Variants in MAP3K13 observed in about 807,000 individuals in gnomAD.
MAP3K13 encodes the protein leucine zipper-bearing kinase.
Under a neutral mutation model 104.0 loss-of-function variants are expected in MAP3K13, and 52 were observed. The observed-to-expected ratio is 0.50, with a 90% CI of 0.40 to 0.63. MAP3K13 has a LOEUF of 0.63. Ranked by LOEUF, MAP3K13 falls within the 20% of genes least tolerant of loss-of-function variation. The probability of loss-of-function intolerance (pLI) is 0.00; values close to 1 mark genes in which losing one functional copy is unlikely to be tolerated. For missense variants in MAP3K13, 914 were observed against 1,218.5 expected (o/e 0.75, Z 3.72); for synonymous variants, 394 against 442.2 (o/e 0.89, Z 1.37).
At chr3:185,437,317 T>C (rs1449757824) in intron 2 of MAP3K13, 130 bp from the exon 3 acceptor site, 2 of 686,340 alleles carry the variant, frequency 2.9e-6, no homozygotes, top group African/African-American at 3.6e-5. Flanking sequence ...ATAGGAAGGT[T>C]CTATCTTTTG....
At chr3:185,379,689 G>A (rs1724610835) in intron 1 of MAP3K13, among the ~76,000 whole-genome samples, 1 of 152,216 alleles carries the variant, frequency 6.6e-6, no homozygotes, top group African/African-American at 2.4e-5. Flanking sequence ...GGCGGGCTGA[G>A]TCTGAAAAAG....
intron 2 of MAP3K13, among the ~76,000 whole-genome samples, chr3:185,430,451 C>A (rs564697323): frequency 2.0e-5 from 3 of 152,200 alleles, no homozygotes; most frequent in East Asian, 1.9e-4. Context: ...TTTCTCCCCC[C>A]ACCCTCCACC....
rs575874867 is a variant in MAP3K13 at position 185,402,200 on chromosome 3, T to C, written c.-85-26297T>C. ...GACGCCACTGTATTTGCTGGGAAGC[T>C]ATTGTTGAGGCTACTTTATCCTCAT... On this transcript the variant is annotated intron_variant, in intron 1 of 13. Coordinates refer to ENST00000265026, the MANE Select transcript of MAP3K13 (RefSeq NM_004721.5). Among the ~76,000 whole-genome samples the C allele has an allele frequency of 4.6e-5, 7 of 152,342 alleles. No homozygotes were observed. The South Asian group carries it at 1.5e-3, about 32-fold the overall frequency.
chr3:185,294,106 T>C (rs1720837397), intron 2 of MAP3K13, among the ~76,000 whole-genome samples: 1 of 152,288 alleles, frequency 6.6e-6, no homozygotes, highest in East Asian at 1.9e-4. Flanking sequence ...ATCGAGAATG[T>C]AGTTAGCATG....
chr3:185,325,681 G>A (rs1365672332), intron 2 of MAP3K13, among the ~76,000 whole-genome samples: 1 of 152,186 alleles, frequency 6.6e-6, no homozygotes, highest in Non-Finnish European at 1.5e-5. Flanking sequence ...GCTTTGGGCA[G>A]GACCAGCTTC....
At chr3:185,417,406 T>G (rs1444397048) in intron 1 of MAP3K13, 1 of 1,286,938 alleles carries the variant, frequency 7.8e-7, no homozygotes, top group Non-Finnish European at 1.1e-6. Context: ...TCTTTTCTTT[T>G]TTTCCTCACT....
chr3:185,331,195 G>A (rs1022775965), intron 2 of MAP3K13, among the ~76,000 whole-genome samples: 1 of 142,182 alleles, frequency 7.0e-6, no homozygotes, highest in Non-Finnish European at 1.5e-5. Context: ...CCGGGTTCAA[G>A]CGATTCTCCT....
chr3:185,331,243 G>A (rs765223706), intron 2 of MAP3K13, among the ~76,000 whole-genome samples: 26 of 151,606 alleles, frequency 1.7e-4, no homozygotes, highest in East Asian at 7.7e-4. Context: ...ACAGACATGC[G>A]CCACCATGCC....
chr3:185,308,371 C>G (rs1721378590), intron 2 of MAP3K13, among the ~76,000 whole-genome samples: 1 of 152,128 alleles, frequency 6.6e-6, no homozygotes, highest in Admixed American at 6.5e-5. Context: ...CTCTTTTGTT[C>G]TCAGCAGTTC....
chr3:185,285,921 C>T (rs940577972), intron 2 of MAP3K13, among the ~76,000 whole-genome samples: 1 of 152,100 alleles, frequency 6.6e-6, no homozygotes, highest in Non-Finnish European at 1.5e-5. Flanking sequence ...CCTTTCAACA[C>T]TTTACATCCG....
intron 2 of MAP3K13, among the ~76,000 whole-genome samples, chr3:185,341,455 C>G (rs1303194167): frequency 6.6e-6 from 1 of 152,102 alleles, no homozygotes; most frequent in Non-Finnish European, 1.5e-5. Flanking sequence ...GTTCTAGCCT[C>G]TAGAACTGTA....
chr3:185,373,528 G>T (rs1167792755), intron 1 of MAP3K13, among the ~76,000 whole-genome samples: 2 of 152,082 alleles, frequency 1.3e-5, no homozygotes, highest in Non-Finnish European at 2.9e-5. Flanking sequence ...TGTAATCCCA[G>T]CTACTCAAGA....
At position 185,418,222 on chromosome 3, in the gene MAP3K13, G is replaced by A; in HGVS notation, c.-85-10275G>A. On this transcript the variant is annotated intron_variant, in intron 1 of 13. Transcript: ENST00000265026. The surrounding 1 kb of genome is among the most constrained non-coding windows in gnomAD (Gnocchi z 4.5). ...GCCTTTGCCAGCTCTCATTCGCTGAGAGGCATAGACCTTTTCGATATCATT... is the reference window on the plus strand; with the variant it reads ...GCCTTTGCCAGCTCTCATTCGCTGAAAGGCATAGACCTTTTCGATATCATT... The A allele has an allele frequency of 6.2e-7, 1 of 1,610,614 alleles. No homozygotes were observed. Among genetic ancestry groups the A allele is most frequent in the Non-Finnish European group, 8.5e-7 (1 of 1,178,158 alleles).
At chr3:185,348,785 C>T (rs112740472) in intron 2 of MAP3K13, among the ~76,000 whole-genome samples, 2 of 152,164 alleles carry the variant, frequency 1.3e-5, no homozygotes, top group Non-Finnish European at 1.5e-5. Context: ...GGCGTGGTGG[C>T]GGGCGCCTGT....
chr3:185,330,046 ATTT>A (rs548813356), intron 2 of MAP3K13, among the ~76,000 whole-genome samples: 21 of 98,256 alleles, frequency 2.1e-4, no homozygotes, highest in East Asian at 9.3e-4. Context: ...TGCCTGGCTA[ATTT>A]TTTTTTTTTT....
chr3:185,318,249 A>C (rs1247336963), intron 2 of MAP3K13, among the ~76,000 whole-genome samples: 2 of 152,216 alleles, frequency 1.3e-5, no homozygotes, highest in African/African-American at 2.4e-5. Context: ...TACAGGCAGG[A>C]AGGAATTCTT....
chr3:185,363,249 A>C lies in MAP3K13; in HGVS notation c.-205A>C, dbSNP rs1436043517. On this transcript the variant is annotated 5_prime_UTR_variant, in exon 1 of 14. Transcript: ENST00000265026. ...GGGCTCCTTTGCGGTGGGCTGGAGG[A>C]TTGTGTGGGTGGAATCCCCCTCCCC... The C allele has an allele frequency of 1.0e-6, 1 of 984,790 alleles. No individual in the cohort carries two copies. The highest frequency in any genetic ancestry group is 1.2e-6 in the Non-Finnish European group (1 of 829,846). The allele number at this position is 984,790 out of a possible 1,614,324, so 61.0% of individuals were successfully genotyped here. A position where few individuals can be genotyped will look rare whatever the true frequency, so the allele number is the denominator to read the frequency against.
At chr3:185,341,016 T>A (rs1438868013) in intron 2 of MAP3K13, among the ~76,000 whole-genome samples, 1 of 132,430 alleles carries the variant, frequency 7.6e-6, no homozygotes, top group African/African-American at 2.7e-5. Flanking sequence ...ACTAATGTAA[T>A]ACTTTATTTC....
intron 4 of MAP3K13, among the ~76,000 whole-genome samples, chr3:185,444,194 G>C (rs945827335): frequency 6.6e-6 from 1 of 152,054 alleles, no homozygotes; most frequent in Non-Finnish European, 1.5e-5. Flanking sequence ...AAATCAGCCA[G>C]GCATGGTAGC....
Sources: allele counts gnomAD v4.1 joint callset (sites outside exome capture counted in the v4.1 genomes callset), GRCh38; gene constraint gnomAD v4.1.1; non-coding constraint Gnocchi (gnomAD v3.1); transcripts MANE v1.5; gene names NCBI Gene and HGNC (gene_info 2026-07-23, HGNC 2026-07-21).